Variants in TRHDE observed in about 807,000 individuals in gnomAD.
TRHDE encodes the protein thyrotropin releasing hormone degrading enzyme.
A neutral mutation model predicts 125.7 loss-of-function variants in TRHDE; 72 were observed. That is an observed-to-expected ratio of 0.57 (90% CI 0.47 to 0.70). The LOEUF (loss-of-function observed/expected upper bound fraction) is 0.70. Among genes scored for constraint, TRHDE ranks in the 30% least tolerant of loss-of-function variants. The pLI is 0.00. For missense variants in TRHDE, 1,110 were observed against 1,327.1 expected (o/e 0.84, Z 2.54); for synonymous variants, 509 against 509.1 (o/e 1.00, Z 0.00).
chr12:72,177,840 C>A (rs1205074141), intron 2 of TRHDE, among the ~76,000 whole-genome samples: 3 of 151,840 alleles, frequency 2.0e-5, no homozygotes, highest in African/African-American at 4.8e-5. Context: ...ATTGGGCCGC[C>A]TATGAAAGGA....
chr12:72,345,471 A>C (rs1002030346), intron 2 of TRHDE, among the ~76,000 whole-genome samples: 1 of 152,172 alleles, frequency 6.6e-6, no homozygotes, highest in Non-Finnish European at 1.5e-5. Flanking sequence ...ATAATAGTAA[A>C]ATAGTTAGAA....
intron 6 of TRHDE, among the ~76,000 whole-genome samples, chr12:72,504,538 A>G (rs1339833560): frequency 6.6e-6 from 1 of 152,158 alleles, no homozygotes; most frequent in East Asian, 1.9e-4. Context: ...TCCTGACCTC[A>G]TGATCTGCCT....
Position 72,181,766 on chromosome 12 carries a change from C to T in TRHDE, n.279+76014C>T, listed in dbSNP as rs565851796. ...TGGGGAGAAGCCTAGAAATTTCTAG[C>T]TGCTCTGCTTGCTATTGGGTGGATA... On this transcript the variant is annotated intron_variant and non_coding_transcript_variant, in intron 2 of 4. Transcript: ENST00000548156. 2.0e-4 allele frequency among the ~76,000 whole-genome samples: 30 copies of T among 152,118 alleles called. 1 individual carries two copies. Among genetic ancestry groups the T allele is most frequent in the African/African-American group, 6.7e-4 (28 of 41,508 alleles).
intron 3 of TRHDE, among the ~76,000 whole-genome samples, chr12:72,468,511 G>C (rs1224716911): frequency 6.6e-6 from 1 of 152,212 alleles, no homozygotes; most frequent in East Asian, 1.9e-4. Flanking sequence ...TCAAGAAGTA[G>C]AACTTCTGGG....
At chr12:72,294,886 A>G (rs1880228513) in intron 2 of TRHDE, among the ~76,000 whole-genome samples, 1 of 151,816 alleles carries the variant, frequency 6.6e-6, no homozygotes, top group African/African-American at 2.4e-5. Context: ...GAGTGTCAAC[A>G]CTGCCCTGAG....
chr12:72,395,775 AG>A (rs1180822670), intron 3 of TRHDE, among the ~76,000 whole-genome samples: 1 of 152,192 alleles, frequency 6.6e-6, no homozygotes, highest in Non-Finnish European at 1.5e-5. Context: ...TACATAGTAA[AG>A]TGAGCCCTTA....
At chr12:72,351,688 C>A (rs933409768) in intron 2 of TRHDE, among the ~76,000 whole-genome samples, 1 of 151,910 alleles carries the variant, frequency 6.6e-6, no homozygotes, top group Non-Finnish European at 1.5e-5. Flanking sequence ...GGTTTCCATT[C>A]TTAGTGTCTT....
In TRHDE at chr12:72,286,790, A is replaced by G; in HGVS notation, c.1024A>G (p.Thr342Ala). The G allele has an allele frequency of 6.2e-7, 1 of 1,613,424 alleles. No individual in the cohort carries two copies. Among genetic ancestry groups the G allele is most frequent in the Non-Finnish European group, 8.5e-7 (1 of 1,179,902 alleles). The change falls in exon 2 of 19, where the codon ACC (threonine) becomes GCC (alanine). Residue 342 changes from threonine (T) to alanine (A), a missense_variant. Thr to Ala is a moderately conservative substitution (Grantham distance 58). Around this residue, in one of 5 missense-constraint regions of TRHDE, gnomAD observed 252 missense variants for 274.8 expected, o/e 0.92. Transcript: ENST00000261180. ...TFKISIKHQA[T>A]YLSLSNMPVE... ...CAAAATCAGCATCAAGCATCAAGCAACCTATTTATCTTTATCTAATATGCC... is the reference window on the plus strand; with the variant it reads ...CAAAATCAGCATCAAGCATCAAGCAGCCTATTTATCTTTATCTAATATGCC...
chr12:72,560,035 G>A (rs988941230), intron 7 of TRHDE, among the ~76,000 whole-genome samples: 22 of 152,122 alleles, frequency 1.4e-4, no homozygotes, highest in East Asian at 5.8e-4. Flanking sequence ...TTATTGAAAC[G>A]CACTCATTAT....
intron 3 of TRHDE, among the ~76,000 whole-genome samples, chr12:72,380,683 C>T (rs1025929366): frequency 1.3e-4 from 19 of 151,640 alleles, no homozygotes; most frequent in African/African-American, 3.2e-4. Context: ...GATCATGGAC[C>T]GCCAGCAGGC....
intron 9 of TRHDE, among the ~76,000 whole-genome samples, chr12:72,566,079 A>C (rs944157675): frequency 6.6e-6 from 1 of 152,088 alleles, no homozygotes; most frequent in African/African-American, 2.4e-5. Flanking sequence ...AAGCAGCATA[A>C]TTATCAGGCT....
rs367855616 is a variant in TRHDE at position 72,443,666 on chromosome 12, G to A, written c.1316-26092G>A. Among the ~76,000 whole-genome samples the A allele has an allele frequency of 5.6e-4, 85 of 151,818 alleles. 3 individuals carry two copies. The South Asian group carries it at 0.017, about 31-fold the overall frequency. On this transcript the variant is annotated intron_variant, in intron 3 of 18. Transcript: ENST00000261180. ...TTCTCTATATATTTTATATTATAAT[G>A]TATTGTGACAATATGGTCAGGAAGA...
At chr12:72,107,922 C>G (rs949632642) in intron 2 of TRHDE, among the ~76,000 whole-genome samples, 4 of 152,090 alleles carry the variant, frequency 2.6e-5, no homozygotes, top group African/African-American at 9.7e-5. Flanking sequence ...ATACTTGCTT[C>G]CCTGGAACCG....
chr12:72,302,263 T>C (rs1868273899), intron 2 of TRHDE, among the ~76,000 whole-genome samples: 1 of 151,880 alleles, frequency 6.6e-6, no homozygotes, highest in Non-Finnish European at 1.5e-5. Flanking sequence ...TGTGTGTGTG[T>C]GTGTGTGCAT....
chr12:72,316,154 C>G (rs777936049), intron 2 of TRHDE, among the ~76,000 whole-genome samples: 6 of 152,008 alleles, frequency 3.9e-5, no homozygotes, highest in Non-Finnish European at 8.8e-5. Flanking sequence ...GAAATTTTTC[C>G]TTGAAAAGAC....
Position 72,272,786 on chromosome 12 carries a change from A to G in TRHDE, c.143A>G (p.Glu48Gly). The change falls in exon 1 of 19, where the codon GAA becomes GGA. Residue 48 changes from glutamate (E) to glycine (G), a missense_variant. Physicochemically the swap from Glu to Gly is moderately conservative, Grantham distance 98. Transcript: ENST00000261180. The surrounding 1 kb of genome is among the most constrained non-coding windows in gnomAD (Gnocchi z 6.7). Reference sequence around the variant, plus strand: ...TCACCCTTCGCAGCCGCGATGGGGGAAGACGACGCCGCGCTTCGGGCTGGC... The same window carrying G: ...TCACCCTTCGCAGCCGCGATGGGGGGAGACGACGCCGCGCTTCGGGCTGGC... ...SSSPFAAAMG[E>G]DDAALRAGSR... 1 of 1,556,948 alleles carries G rather than the reference A, an allele frequency of 6.4e-7. No individual in the cohort carries two copies. Among genetic ancestry groups the G allele is most frequent in the Non-Finnish European group, 8.7e-7 (1 of 1,153,658 alleles).
chr12:72,352,826 G>A (rs1231686917), intron 2 of TRHDE, among the ~76,000 whole-genome samples: 1 of 151,560 alleles, frequency 6.6e-6, no homozygotes. Context: ...TTGTTCCTCT[G>A]GGAATCTTGC....
intron 2 of TRHDE, among the ~76,000 whole-genome samples, chr12:72,333,678 T>A (rs189113601): frequency 1.8e-3 from 270 of 152,332 alleles, no homozygotes; most frequent in Non-Finnish European, 2.2e-3. Flanking sequence ...CCATGTGGCA[T>A]GAATACACTT....
intron 3 of TRHDE, among the ~76,000 whole-genome samples, chr12:72,438,739 C>T (rs560816980): frequency 6.6e-6 from 1 of 151,654 alleles, no homozygotes; most frequent in South Asian, 2.1e-4. Context: ...ATTTTTTGTT[C>T]ACTCTGTTAT....
Sources: allele counts gnomAD v4.1 joint callset (sites outside exome capture counted in the v4.1 genomes callset), GRCh38; gene constraint gnomAD v4.1.1; regional missense constraint gnomAD v4.1.1; non-coding constraint Gnocchi (gnomAD v3.1); transcripts MANE v1.5; gene names NCBI Gene and HGNC (gene_info 2026-07-23, HGNC 2026-07-21).